PARP9: variants seen among roughly 807,000 people sequenced by gnomAD.
PARP9 encodes poly(ADP-ribose) polymerase family member 9.
Under a neutral mutation model 68.8 loss-of-function variants are expected in PARP9, and 48 were observed. The ratio of observed to expected loss-of-function variants is 0.70; its 90% CI spans 0.55 to 0.89. The LOEUF (loss-of-function observed/expected upper bound fraction) is 0.89. PARP9 is among the 40% of genes least tolerant of loss of function. PARP9 has a pLI of 0.00. For missense variants in PARP9, 806 were observed against 969.3 expected (o/e 0.83, Z 2.24); for synonymous variants, 309 against 333.8 (o/e 0.93, Z 0.81).
rs748493274 is a variant in PARP9, at chr3:122,556,263, CATG to C, written c.50-145_50-143del. ...GAGATGAACTTCATGTAGTGCTCTT[CATG>C]ATTCTTCTTCTCAACTACACATATA... On this transcript the variant is annotated intron_variant, in intron 3 of 10. Coordinates refer to ENST00000682323, the MANE Select transcript of PARP9 (RefSeq NM_001146105.2). The C allele has an allele frequency of 6.6e-4, 396 of 598,216 alleles. 4 individuals carry two copies. Among genetic ancestry groups the C allele is most frequent in the Non-Finnish European group, 1.0e-3 (359 of 360,094 alleles). 37.1% of individuals were successfully genotyped at this position (598,216 alleles called of 1,614,324 possible). A position where few individuals can be genotyped will look rare whatever the true frequency, so the allele number is the denominator to read the frequency against.
rs1559867579 is a variant in PARP9, at chr3:122,555,398, T to C, written c.773A>G (p.Glu258Gly). The change falls in exon 4 of 11, where the codon GAA becomes GGA. Residue 258 changes from glutamate to glycine, a missense_variant. Physicochemically the swap from Glu to Gly is moderately conservative, Grantham distance 98. Transcript: ENST00000682323. ...PTVAAFKAAS[E>G]FILGKSELGQ... ...CAGCTCACTCTTCCCTAGGATGAATTCTGAAGCAGCTTTAAAGGCAGCAAC... is the reference window on the plus strand; with the variant it reads ...CAGCTCACTCTTCCCTAGGATGAATCCTGAAGCAGCTTTAAAGGCAGCAAC... 2 of 1,614,160 alleles carry C rather than the reference T, an allele frequency of 1.2e-6. No homozygotes were observed. The highest frequency in any genetic ancestry group is 1.7e-6 in the Non-Finnish European group (2 of 1,180,034).
At chr3:122,531,066 T>C (rs1042881750) in intron 10 of PARP9, among the ~76,000 whole-genome samples, 6 of 152,240 alleles carry the variant, frequency 3.9e-5, no homozygotes, top group African/African-American at 1.4e-4. Flanking sequence ...AAGTATTAGA[T>C]ATTTTACATT....
chr3:122,556,254 A>G (rs948708098), intron 3 of PARP9, 133 bp from the exon 4 acceptor site: 60 of 618,282 alleles, frequency 9.7e-5, no homozygotes, highest in Non-Finnish European at 1.5e-4. Context: ...AACTTCATGT[A>G]GTGCTCTTCA....
chr3:122,539,530 T>C (rs1007408643), intron 8 of PARP9, among the ~76,000 whole-genome samples: 2 of 33,306 alleles, frequency 6.0e-5, no homozygotes, highest in African/African-American at 1.8e-4. Context: ...TTTCTTTCTT[T>C]CTTTCTTTCT....
chr3:122,528,282 C>T lies in PARP9; in HGVS notation c.*82G>A. The T allele has an allele frequency of 6.6e-7, 1 of 1,517,030 alleles. No individual in the cohort carries two copies. The highest frequency in any genetic ancestry group is 1.4e-5 in the African/African-American group (1 of 72,410). 94.0% of individuals were successfully genotyped at this position (1,517,030 alleles called of 1,614,324 possible). ...AGATAACCCATGGGATATATTCAAG[C>T]CACTCTTTGAGCCATCGATGGTCAT... On this transcript the variant is annotated 3_prime_UTR_variant, in exon 11 of 11. Coordinates refer to ENST00000682323, the MANE Select transcript of PARP9 (RefSeq NM_001146105.2).
intron 9 of PARP9, 163 bp downstream of exon 9, chr3:122,536,771 T>C (rs1004055967): frequency 3.9e-6 from 3 of 774,412 alleles, no homozygotes; most frequent in Non-Finnish European, 6.1e-6. Context: ...ACTATATCCC[T>C]CGTGCCTGCC....
rs1399850201 is a variant in PARP9, at chr3:122,528,103, T to C, written c.*261A>G. 2 of 322,182 alleles carry C rather than the reference T, an allele frequency of 6.2e-6. No individual in the cohort carries two copies. The highest frequency in any genetic ancestry group is 1.1e-5 in the Non-Finnish European group (2 of 176,752). The allele number at this position is 322,182 out of a possible 1,614,324, so 20.0% of individuals were successfully genotyped here. On this transcript the variant is annotated 3_prime_UTR_variant, in exon 11 of 11. Coordinates refer to ENST00000682323, the MANE Select transcript of PARP9 (RefSeq NM_001146105.2). ...TATGCAAAATATTTATCTCCTCTAG[T>C]AAAGGAGATTAAAGAACAACTGCAA...
At position 122,528,149 on chromosome 3, in the gene PARP9, G is replaced by A. The variant is rs550313930; in HGVS notation, c.*215C>T. On this transcript the variant is annotated 3_prime_UTR_variant, in exon 11 of 11. Coordinates refer to ENST00000682323, the MANE Select transcript of PARP9 (RefSeq NM_001146105.2). ...TGCAAGAGGAAGGAAGGTCCTGAAA[G>A]TGTTTCATTTGGTATCTACCTACCC... The A allele has an allele frequency of 3.6e-4, 164 of 450,306 alleles. No homozygotes were observed. Among genetic ancestry groups the A allele is most frequent in the Middle Eastern group, 1.2e-3 (2 of 1,724 alleles). The allele number at this position is 450,306 out of a possible 1,614,324, so 27.9% of individuals were successfully genotyped here.
intron 1 of PARP9, among the ~76,000 whole-genome samples, chr3:122,562,694 T>TAC (rs562789870): frequency 6.4e-4 from 98 of 152,364 alleles, no homozygotes; most frequent in South Asian, 3.5e-3. Context: ...TAGTAGCTTA[T>TAC]ACACACACTT....
In PARP9 at chr3:122,536,340, C is replaced by T. The variant is rs1395588395; in HGVS notation, c.1908G>A (p.Val636=). Residue 636 remains valine, a splice_region_variant and synonymous_variant, in exon 10 of 11, where the codon GTG becomes GTA. Transcript: ENST00000682323. ...FEKCGLQVLK[V]EKIDNEVLMA... ...TAAGGACCTCATTGTCTATCTTCTCCACCTAGAACCATAGAAAAGAAAGAC... is the reference window on the plus strand; with the variant it reads ...TAAGGACCTCATTGTCTATCTTCTCTACCTAGAACCATAGAAAAGAAAGAC... The T allele has an allele frequency of 1.2e-6, 2 of 1,612,186 alleles. No homozygotes were observed. The highest frequency in any genetic ancestry group is 3.4e-5 in the Admixed American group (2 of 59,470).
intron 6 of PARP9, among the ~76,000 whole-genome samples, chr3:122,547,097 C>T (rs4629278): frequency 0.84 from 89,749 of 106,832 alleles, 36,359 homozygotes; most frequent in African/African-American, 0.93. Flanking sequence ...TATATATATA[C>T]ACGTATTTTT....
chr3:122,555,286 C>A lies in PARP9; in HGVS notation c.885G>T (p.Thr295=), dbSNP rs1459072509. 3 of 1,601,996 alleles carry A rather than the reference C, an allele frequency of 1.9e-6. No homozygotes were observed. The highest frequency in any genetic ancestry group is 2.6e-6 in the Non-Finnish European group (3 of 1,174,126). The stretch of plus-strand genomic sequence containing the variant: ...CAAGAGAATAGAAACAAAGACTTAC[C>A]GTCTGCCATTCAATGTGGCCCTGGA... ...QIVQGHIEWQ[T]ADVIVNSVNP... The change falls in exon 4 of 11, where the codon ACG becomes ACT. Residue 295 remains threonine, a splice_region_variant and synonymous_variant. Coordinates refer to ENST00000682323, the MANE Select transcript of PARP9 (RefSeq NM_001146105.2).
At chr3:122,542,257 CTTTT>C (rs1175844599) in intron 7 of PARP9, among the ~76,000 whole-genome samples, 1 of 104,044 alleles carries the variant, frequency 9.6e-6, no homozygotes, top group Non-Finnish European at 1.9e-5. Context: ...TCTACTACTA[CTTTT>C]TTTTTTTTTT....
chr3:122,540,495 TC>T lies in PARP9; in HGVS notation c.1741del (p.Glu581SerfsTer8). ...KVQEEMARKKERGLWRSLGQW... is the reference protein window; with the variant it reads ...KVQEEMARKKXRGLWRSLGQW... The stretch of plus-strand genomic sequence containing the variant: ...ACCTAACGAGCGCCAAAGGCCTCGC[TC>T]CTTTTTCCTTGCCATTTCCTCCTGT... On this transcript the variant is annotated frameshift_variant, in exon 8 of 11. Coordinates refer to ENST00000682323, the MANE Select transcript of PARP9 (RefSeq NM_001146105.2). LOFTEE classifies it high-confidence loss of function. 6.2e-7 allele frequency: 1 copy of T among 1,613,764 alleles called. No homozygotes were observed. The highest frequency in any genetic ancestry group is 8.5e-7 in the Non-Finnish European group (1 of 1,179,784).
At chr3:122,549,982 G>A (rs1390102477) in intron 6 of PARP9, among the ~76,000 whole-genome samples, 2 of 152,194 alleles carry the variant, frequency 1.3e-5, no homozygotes, top group African/African-American at 4.8e-5. Flanking sequence ...AAACTAGAAG[G>A]TTGCTTACCT....
intron 4 of PARP9, 36 bp from the exon 5 acceptor site, chr3:122,552,675 A>G (rs2079304757): frequency 1.4e-6 from 2 of 1,470,758 alleles, no homozygotes; most frequent in Admixed American, 3.4e-5. Context: ...TCATTGTTAA[A>G]TTCCTTCTTC....
chr3:122,562,414 C>T (rs1291440714), intron 1 of PARP9, among the ~76,000 whole-genome samples: 6 of 150,952 alleles, frequency 4.0e-5, no homozygotes, highest in African/African-American at 1.5e-4. Flanking sequence ...AGGATGGTCT[C>T]GATCTCCTGA....
At chr3:122,536,429 C>G in intron 9 of PARP9, 87 bp from the exon 10 acceptor site, 3 of 1,527,988 alleles carry the variant, frequency 2.0e-6, no homozygotes, top group Non-Finnish European at 8.7e-7. Context: ...AATAAAGGAG[C>G]TTATGTGCAT....
intron 8 of PARP9, 99 bp from the exon 9 acceptor site, chr3:122,537,172 C>G: frequency 7.7e-7 from 1 of 1,302,868 alleles, no homozygotes; most frequent in Non-Finnish European, 1.1e-6. Flanking sequence ...AAGGGATTAG[C>G]CAGTTTAAAT....
Sources: allele counts gnomAD v4.1 joint callset (sites outside exome capture counted in the v4.1 genomes callset), GRCh38; gene constraint gnomAD v4.1.1; transcripts MANE v1.5; gene names NCBI Gene and HGNC (gene_info 2026-07-23, HGNC 2026-07-21).